FAM47E: variants seen among roughly 807,000 people sequenced by gnomAD.
FAM47E encodes family with sequence similarity 47 member E, also known as protein FAM47E.
Under a neutral mutation model 41.6 loss-of-function variants are expected in FAM47E, and 32 were observed. That is an observed-to-expected ratio of 0.77 (90% confidence interval 0.58 to 1.03). The LOEUF is 1.03. Among genes scored for constraint, FAM47E ranks in the 50% least tolerant of loss-of-function variants. The probability of loss-of-function intolerance (pLI) is 0.00; values close to 1 mark genes in which losing one functional copy is unlikely to be tolerated. For synonymous variants in FAM47E, 184 were observed against 188.7 expected (o/e 0.98, Z 0.20); for missense variants, 424 against 485.4 (o/e 0.87, Z 1.19).
chr4:76,248,392 T>C (rs1733878112), upstream of FAM47E, among the ~76,000 whole-genome samples: 1 of 152,164 alleles, frequency 6.6e-6, no homozygotes, highest in African/African-American at 2.4e-5. Flanking sequence ...TTTGTAGTTT[T>C]AGCTCTTAAA....
At chr4:76,263,653 C>T in intron 2 of FAM47E, 51 bp from the exon 3 acceptor site, 1 of 1,538,066 alleles carries the variant, frequency 6.5e-7, no homozygotes, top group South Asian at 1.2e-5. Context: ...AATGGGGACT[C>T]CCTTCTTCAG....
At position 76,251,790 on chromosome 4, in the gene FAM47E, C is replaced by A. The variant is rs1288687250; in HGVS notation, c.44C>A (p.Pro15Gln). The change falls in exon 1 of 8, where the codon CCG (proline) becomes CAG (glutamine). Residue 15 changes from proline to glutamine, a missense_variant. Transcript: ENST00000424749. ...RRRLRPGTLA[P>Q]VREGVNCRSR... ...CGGCTCCGGCCGGGGACGTTGGCCC[C>A]GGTGCGCGAGGGCGTGAACTGCAGG... 2 of 1,489,888 alleles carry A rather than the reference C, an allele frequency of 1.3e-6. No homozygotes were observed. Among genetic ancestry groups the A allele is most frequent in the Non-Finnish European group, 1.8e-6 (2 of 1,126,332 alleles). 92.3% of individuals were successfully genotyped at this position (1,489,888 alleles called of 1,614,324 possible).
chr4:76,228,457 C>T (rs374625608), intron 2 of FAM47E, among the ~76,000 whole-genome samples: 17 of 147,556 alleles, frequency 1.2e-4, no homozygotes, highest in African/African-American at 3.5e-4. Context: ...CCAGCCTGGG[C>T]GATGGAGTAA....
chr4:76,264,793 G>A (rs1268563942), intron 3 of FAM47E, among the ~76,000 whole-genome samples: 1 of 152,090 alleles, frequency 6.6e-6, no homozygotes, highest in Non-Finnish European at 1.5e-5. Flanking sequence ...GCAAAGTTTC[G>A]CCATGTTGGC....
At chr4:76,253,543 G>A (rs965865571) in intron 1 of FAM47E, among the ~76,000 whole-genome samples, 2 of 152,126 alleles carry the variant, frequency 1.3e-5, no homozygotes, top group African/African-American at 4.8e-5. Context: ...ATGCAGAATG[G>A]TAAGCTTATT....
chr4:76,246,410 A>G lies in FAM47E; in HGVS notation c.82-17294A>G, dbSNP rs72858595. Among the ~76,000 whole-genome samples, 1,451 of 152,110 alleles carry G rather than the reference A, an allele frequency of 9.5e-3. 33 individuals are homozygous for G. Among genetic ancestry groups the G allele is most frequent in the African/African-American group, 0.033 (1,379 of 41,454 alleles). ...CTGGATGAGTACCACAAAATAAGGA[A>G]TGTTTAGGGGAAAGTCTGCAGACTT... On this transcript the variant is annotated intron_variant, in intron 2 of 7. Coordinates refer to the FAM47E transcript ENST00000510197.
intron 1 of FAM47E, chr4:76,214,522 G>A (rs575560014): frequency 2.9e-6 from 1 of 349,664 alleles, no homozygotes; most frequent in Non-Finnish European, 5.7e-6. Flanking sequence ...GGTGGAGTCG[G>A]AGGTGTTGAG....
chr4:76,217,887 C>T lies in FAM47E; in HGVS notation c.81+199C>T, dbSNP rs117509006. ...TTAGAAAAAGAGCTTTCTTCACAGA[C>T]TCTAAGGGCTATCGAGGGGAAGCAA... is the stretch of plus-strand genomic sequence containing the variant. On this transcript the variant is annotated intron_variant, in intron 2 of 7. Coordinates refer to the FAM47E transcript ENST00000510197. Among the ~76,000 whole-genome samples the T allele has an allele frequency of 1.6e-4, 25 of 152,334 alleles. No homozygotes were observed. The East Asian group carries it at 4.8e-3, about 29-fold the overall frequency.
rs74526079 is a variant in FAM47E, at chr4:76,245,587, C to T, written c.82-18117C>T. Among the ~76,000 whole-genome samples the T allele has an allele frequency of 3.9e-3, 590 of 152,276 alleles. 19 individuals carry two copies. In the East Asian group the frequency reaches 0.088, roughly 23 times the overall value. On this transcript the variant is annotated intron_variant, in intron 2 of 7. Transcript: ENST00000510197. ...CCCAGCCCCCAGTGCAGCTTGCTGA[C>T]GCCAGGGCAGAGCAGGCAGGGGCAG...
intron 2 of FAM47E, among the ~76,000 whole-genome samples, chr4:76,237,001 T>C (rs1733599025): frequency 6.6e-6 from 1 of 151,438 alleles, no homozygotes; most frequent in Admixed American, 6.6e-5. Flanking sequence ...GTTCATGCCA[T>C]TCTCCTGCCT....
intron 2 of FAM47E, among the ~76,000 whole-genome samples, chr4:76,219,665 G>A (rs1211731272): frequency 6.6e-6 from 1 of 152,068 alleles, no homozygotes. Flanking sequence ...GAGGGTAGAG[G>A]CAGACTTTGT....
rs141022383 is a variant in FAM47E at position 76,217,083 on chromosome 4, G to A, written c.-29-496G>A. Among the ~76,000 whole-genome samples, 540 of 152,276 alleles carry A rather than the reference G, an allele frequency of 3.5e-3. 6 individuals carry two copies. The highest frequency in any genetic ancestry group is 0.013 in the African/African-American group (522 of 41,550). ...CCTTTGGGACTTCCTCCTCATTTCT[G>A]ATCTATAGGACATGTCTGCACCGCT... is the stretch of plus-strand genomic sequence containing the variant. On this transcript the variant is annotated intron_variant, in intron 1 of 7. Coordinates refer to the FAM47E transcript ENST00000510197.
intron 3 of FAM47E, among the ~76,000 whole-genome samples, chr4:76,265,825 C>T (rs1330299842): frequency 6.6e-6 from 1 of 152,196 alleles, no homozygotes; most frequent in Admixed American, 6.5e-5. Context: ...ATCTGATGAA[C>T]CTCCGGGTTG....
At chr4:76,219,375 G>A (rs1733268891) in intron 2 of FAM47E, among the ~76,000 whole-genome samples, 1 of 152,174 alleles carries the variant, frequency 6.6e-6, no homozygotes. Context: ...ATTCTAGTCT[G>A]TTCTCACTTG....
intron 1 of FAM47E, among the ~76,000 whole-genome samples, chr4:76,254,474 A>G (rs1004214023): frequency 1.3e-5 from 2 of 152,184 alleles, no homozygotes; most frequent in Non-Finnish European, 2.9e-5. Flanking sequence ...GTGATCTGTT[A>G]AATGCAGAGA....
At chr4:76,243,301 C>G (rs985643024) in intron 2 of FAM47E, among the ~76,000 whole-genome samples, 45 of 152,146 alleles carry the variant, frequency 3.0e-4, no homozygotes, top group African/African-American at 1.1e-3. Context: ...CTGCTCATGT[C>G]TGATATAGCT....
chr4:76,245,763 G>A (rs1733813591), intron 2 of FAM47E, among the ~76,000 whole-genome samples: 1 of 152,116 alleles, frequency 6.6e-6, no homozygotes, highest in Non-Finnish European at 1.5e-5. Flanking sequence ...AACAAAGAGT[G>A]GAGGTACAGA....
intron 1 of FAM47E, among the ~76,000 whole-genome samples, chr4:76,216,383 C>T (rs1485214093): frequency 1.3e-5 from 2 of 152,204 alleles, no homozygotes; most frequent in Non-Finnish European, 2.9e-5. Context: ...TCACACTGAA[C>T]TTCCACCCCC....
chr4:76,261,040 C>T (rs1243660926), intron 2 of FAM47E, among the ~76,000 whole-genome samples: 1 of 149,780 alleles, frequency 6.7e-6, no homozygotes, highest in Non-Finnish European at 1.5e-5. Flanking sequence ...AGAAGACATA[C>T]AAGCAGCCAA....
Sources: gnomAD v4.1 joint callset for allele counts (sites outside exome capture counted in the v4.1 genomes callset) on GRCh38, gnomAD v4.1.1 for gene constraint, MANE v1.5 for transcripts, NCBI Gene and HGNC (gene_info 2026-07-23, HGNC 2026-07-21) for gene names.